Variants in RAB3GAP2 observed in about 807,000 individuals in gnomAD.
The protein encoded by RAB3GAP2 is RAB3 GTPase activating non-catalytic protein subunit 2.
Under a neutral mutation model 185.3 loss-of-function variants are expected in RAB3GAP2, and 87 were observed. That is an observed-to-expected ratio of 0.47 (90% CI 0.39 to 0.56). The LOEUF is 0.56. Ranked by LOEUF, RAB3GAP2 falls within the 20% of genes least tolerant of loss-of-function variation. The pLI is 0.00. For synonymous variants in RAB3GAP2, 554 were observed against 576.1 expected (o/e 0.96, Z 0.55); for missense variants, 1,492 against 1,638.2 (o/e 0.91, Z 1.54).
intron 24 of RAB3GAP2, among the ~76,000 whole-genome samples, 156 bp downstream of exon 24, chr1:220,170,736 T>C (rs970698776): frequency 6.6e-6 from 1 of 152,244 alleles, no homozygotes; most frequent in East Asian, 1.9e-4. Flanking sequence ...AATGAGACTT[T>C]AGAGAAAATT....
Position 220,157,484 on chromosome 1 carries a change from T to A in RAB3GAP2, c.3341A>T (p.Asp1114Val), listed in dbSNP as rs1321409107. 3 of 1,613,118 alleles carry A rather than the reference T, an allele frequency of 1.9e-6. 1 individual carries two copies. The South Asian group carries it at 3.3e-5, about 18-fold the overall frequency. ...LDLLQILMEADVSRDEIQVPV... is the reference protein window; with the variant it reads ...LDLLQILMEAVVSRDEIQVPV... ...CACCTGTATTTCATCCCTGCTAACA[T>A]CTGCCTAAGGGTTTTGAGAATGGAG... Residue 1114 changes from aspartate to valine, a missense_variant, in exon 31 of 35, where the codon GAT becomes GTT. Transcript: ENST00000358951.
chr1:220,271,020 C>T (rs1462307605), intron 1 of RAB3GAP2: 2 of 152,226 alleles, frequency 1.3e-5, no homozygotes, highest in African/African-American at 4.8e-5. Context: ...TGCTCCTTTA[C>T]TCCTCTAACT....
At position 220,190,430 on chromosome 1, in the gene RAB3GAP2, A is replaced by G; in HGVS notation, c.1578T>C (p.Asp526=). Residue 526 remains aspartate, a synonymous_variant, in exon 15 of 35, where the codon GAT becomes GAC. Transcript: ENST00000358951. ...QPQTYQICLV[D]PVSGSVKTVN... The stretch of plus-strand genomic sequence containing the variant: ...CTGTTTTCACACTTCCAGACACTGG[A>G]TCAACCAGACAGATCTGATAAGTCT... The G allele has an allele frequency of 1.2e-6, 2 of 1,614,098 alleles. No homozygotes were observed. The highest frequency in any genetic ancestry group is 2.2e-5 in the East Asian group (1 of 44,872).
At chr1:220,267,867 G>T in intron 1 of RAB3GAP2, 1 of 945,636 alleles carries the variant, frequency 1.1e-6, no homozygotes, top group East Asian at 2.4e-5. Flanking sequence ...TCCAACTGGA[G>T]TTTTAGCCTC....
In RAB3GAP2 at chr1:220,210,983, G is replaced by A. The variant is rs1659075755; in HGVS notation, c.406C>T (p.Leu136=). ...VEEGECVTSA[L]CIPLASQKRS... ...TTTTGGCTTGCTAGTGGGATACATA[G>A]AGCACTGGTTACACATTCCCTAAAA... The change falls in exon 5 of 35, where the codon CTA becomes TTA. Residue 136 remains leucine (L), a synonymous_variant. Transcript: ENST00000358951. 4 of 1,613,676 alleles carry A rather than the reference G, an allele frequency of 2.5e-6. No individual in the cohort carries two copies. In the Admixed American group the frequency reaches 5.0e-5, roughly 20 times the overall value.
intron 12 of RAB3GAP2, among the ~76,000 whole-genome samples, 179 bp downstream of exon 12, chr1:220,194,899 C>T (rs1658694075): frequency 6.6e-6 from 1 of 152,186 alleles, no homozygotes; most frequent in Non-Finnish European, 1.5e-5. Flanking sequence ...GTGAACAAAA[C>T]AGGTAAGAAT....
At chr1:220,226,799 C>T (rs1027375436) in intron 2 of RAB3GAP2, among the ~76,000 whole-genome samples, 3 of 152,210 alleles carry the variant, frequency 2.0e-5, no homozygotes, top group African/African-American at 4.8e-5. Context: ...GATGCCTTAA[C>T]CCTAAAGTGA....
chr1:220,180,659 AG>A (rs1409731400), intron 21 of RAB3GAP2, among the ~76,000 whole-genome samples: 1 of 152,246 alleles, frequency 6.6e-6, no homozygotes, highest in African/African-American at 2.4e-5. Flanking sequence ...CATTCAAAGA[AG>A]AACTAATATC....
At chr1:220,251,326 C>A (rs1659926256) in intron 1 of RAB3GAP2, among the ~76,000 whole-genome samples, 1 of 151,844 alleles carries the variant, frequency 6.6e-6, no homozygotes, top group African/African-American at 2.4e-5. Context: ...TTGGAAAGAT[C>A]TTTCAAAGGA....
intron 26 of RAB3GAP2, among the ~76,000 whole-genome samples, chr1:220,165,295 A>T (rs979242194): frequency 6.6e-6 from 1 of 151,082 alleles, no homozygotes; most frequent in Non-Finnish European, 1.5e-5. Context: ...AATAAACATG[A>T]TAAGTTAATA....
chr1:220,230,383 G>C (rs1417364235), intron 2 of RAB3GAP2, among the ~76,000 whole-genome samples: 1 of 152,214 alleles, frequency 6.6e-6, no homozygotes, highest in Non-Finnish European at 1.5e-5. Flanking sequence ...AGGAAAAGCA[G>C]AATAGCTGAG....
At chr1:220,207,372 A>G (rs1277431549) in intron 7 of RAB3GAP2, among the ~76,000 whole-genome samples, 1 of 152,198 alleles carries the variant, frequency 6.6e-6, no homozygotes, top group African/African-American at 2.4e-5. Context: ...ATCTTTGCCA[A>G]TCCAAAAGGT....
At position 220,148,950 on chromosome 1, in the gene RAB3GAP2, A is replaced by C. The variant is rs1657686549; in HGVS notation, c.*2301T>G. On this transcript the variant is annotated 3_prime_UTR_variant, in exon 35 of 35. Coordinates refer to ENST00000358951, the MANE Select transcript of RAB3GAP2 (RefSeq NM_012414.4). ...GCATATTTAATGTTTGTTAATGAAGAAAGTTGTGTGAGGGTGGGCATATAT... is the reference window on the plus strand; with the variant it reads ...GCATATTTAATGTTTGTTAATGAAGCAAGTTGTGTGAGGGTGGGCATATAT... 1 of 152,196 alleles carries C rather than the reference A, an allele frequency of 6.6e-6. No individual in the cohort carries two copies. Among genetic ancestry groups the C allele is most frequent in the African/African-American group, 2.4e-5 (1 of 41,454 alleles). The allele number at this position is 152,196 out of a possible 1,614,324, so 9.4% of individuals were successfully genotyped here.
chr1:220,230,790 T>C (rs909442505), intron 2 of RAB3GAP2, among the ~76,000 whole-genome samples: 3 of 152,176 alleles, frequency 2.0e-5, no homozygotes, highest in African/African-American at 7.2e-5. Flanking sequence ...TTTGAGAATA[T>C]CAACCTTTCA....
intron 21 of RAB3GAP2, among the ~76,000 whole-genome samples, chr1:220,180,156 G>A (rs879903235): frequency 1.3e-5 from 2 of 151,502 alleles, no homozygotes; most frequent in African/African-American, 2.4e-5. Flanking sequence ...GTGAGACTAC[G>A]TCTCAAAAAA....
intron 1 of RAB3GAP2, among the ~76,000 whole-genome samples, chr1:220,247,126 G>T (rs890371732): frequency 6.6e-6 from 1 of 152,136 alleles, no homozygotes; most frequent in Admixed American, 6.5e-5. Flanking sequence ...GCATGGATGT[G>T]TTGAAAAAGG....
chr1:220,195,129 G>A lies in RAB3GAP2; in HGVS notation c.1079C>T (p.Ala360Val). The A allele has an allele frequency of 6.2e-7, 1 of 1,614,136 alleles. No homozygotes were observed. The highest frequency in any genetic ancestry group is 8.5e-7 in the Non-Finnish European group (1 of 1,180,002). Residue 360 changes from alanine to valine, a missense_variant, in exon 12 of 35, where the codon GCT becomes GTT. Physicochemically the swap from Ala to Val is moderately conservative, Grantham distance 64. This residue lies in a region of RAB3GAP2 where 243 missense variants were observed against 314.8 expected (regional missense o/e 0.77). Coordinates refer to ENST00000358951, the MANE Select transcript of RAB3GAP2 (RefSeq NM_012414.4). The part of the protein sequence containing the change: ...LGWKSKHEEE[A>V]VQKQKPKVEP... Reference sequence around the variant, plus strand: ...AACCTTCGGCTTTTGCTTTTGGACAGCTTCTTCTTCGTGCTTACTTTTCCA... The same window carrying A: ...AACCTTCGGCTTTTGCTTTTGGACAACTTCTTCTTCGTGCTTACTTTTCCA...
chr1:220,240,013 C>G (rs1222378272), intron 1 of RAB3GAP2, among the ~76,000 whole-genome samples: 5 of 150,008 alleles, frequency 3.3e-5, no homozygotes, highest in Non-Finnish European at 7.4e-5. Context: ...AAAAAGAACA[C>G]CACATCATTC....
rs113804589 is a variant in RAB3GAP2, at chr1:220,162,409, T to C, written c.3155-141A>G. The stretch of plus-strand genomic sequence containing the variant: ...TATATCTCATGTAATATTTATAAAG[T>C]TCATGAAATCTTTAATTTCATTTAA... On this transcript the variant is annotated intron_variant, in intron 27 of 34. Transcript: ENST00000358951. The C allele has an allele frequency of 1.3e-3, 819 of 635,066 alleles. 5 individuals are homozygous for C. In the African/African-American group the frequency reaches 0.013, roughly 10 times the overall value. 39.3% of individuals were successfully genotyped at this position (635,066 alleles called of 1,614,324 possible). A position where few individuals can be genotyped will look rare whatever the true frequency, so the allele number is the denominator to read the frequency against.
Sources: allele counts gnomAD v4.1 joint callset (sites outside exome capture counted in the v4.1 genomes callset), GRCh38; gene constraint gnomAD v4.1.1; regional missense constraint gnomAD v4.1.1; transcripts MANE v1.5; gene names NCBI Gene and HGNC (gene_info 2026-07-23, HGNC 2026-07-21).